The following NBEA variants were observed in gnomAD, a reference collection of about 807,000 sequenced individuals.
NBEA encodes the protein neurobeachin.
A neutral mutation model predicts 343.4 loss-of-function variants in NBEA; 44 were observed. That is an observed-to-expected ratio of 0.13 (90% CI 0.10 to 0.16). NBEA has a LOEUF of 0.16. Among genes scored for constraint, NBEA ranks in the 10% least tolerant of loss-of-function variants. The pLI is 1.00. For synonymous variants in NBEA, 1,175 were observed against 1,238.7 expected, an observed-to-expected ratio of 0.95 and a Z score of 1.08; for missense variants, 2,555 against 3,631.3, an observed-to-expected ratio of 0.70 and a Z score of 7.62.
intron 33 of NBEA, among the ~76,000 whole-genome samples, chr13:35,231,514 A>G (rs1381836196): frequency 1.3e-5 from 2 of 152,060 alleles, no homozygotes; most frequent in East Asian, 3.9e-4. Flanking sequence ...ATGTGTACTC[A>G]TCTAATATAT....
intron 1 of NBEA, among the ~76,000 whole-genome samples, chr13:34,998,874 A>C (rs1302218826): frequency 1.3e-5 from 2 of 152,188 alleles, no homozygotes; most frequent in African/African-American, 4.8e-5. Context: ...AGGCATAGGA[A>C]ATCACAAGGG....
rs1272296349 is a variant in NBEA, at chr13:35,542,985, A to G, written c.6586-7492A>G. Among the ~76,000 whole-genome samples, 3 of 152,002 alleles carry G rather than the reference A, an allele frequency of 2.0e-5. No individual in the cohort carries two copies. In the East Asian group the frequency reaches 5.8e-4, roughly 29 times the overall value. The stretch of plus-strand genomic sequence containing the variant: ...TGCTTGTGAGTCTTTTTTGATCACT[A>G]TGTTATACTACTCTGCAAAAAGTGT... On this transcript the variant is annotated intron_variant, in intron 41 of 58. Transcript: ENST00000379939.
At chr13:35,581,136 C>T (rs1332736200) in intron 45 of NBEA, among the ~76,000 whole-genome samples, 1 of 152,150 alleles carries the variant, frequency 6.6e-6, no homozygotes, top group African/African-American at 2.4e-5. Context: ...AAAATATACT[C>T]AGTAATGGGA....
chr13:35,513,169 C>T (rs2077348015), intron 41 of NBEA, among the ~76,000 whole-genome samples: 2 of 148,300 alleles, frequency 1.3e-5, no homozygotes, highest in African/African-American at 5.0e-5. Context: ...TGGAGTCTTG[C>T]TCTGTCACCC....
chr13:35,166,297 A>G (rs1237966927), intron 24 of NBEA, among the ~76,000 whole-genome samples: 1 of 152,192 alleles, frequency 6.6e-6, no homozygotes, highest in Non-Finnish European at 1.5e-5. Context: ...AACTATTAAG[A>G]TAGAATATTA....
intron 1 of NBEA, among the ~76,000 whole-genome samples, chr13:34,959,798 T>C (rs1033760806): frequency 6.1e-5 from 9 of 147,796 alleles, no homozygotes; most frequent in Non-Finnish European, 1.4e-4. Flanking sequence ...GTCAGAGATA[T>C]CATAATGTCA....
intron 10 of NBEA, among the ~76,000 whole-genome samples, chr13:35,079,301 T>A (rs960978793): frequency 1.3e-5 from 2 of 152,208 alleles, no homozygotes; most frequent in African/African-American, 4.8e-5. Context: ...ATATGTGCCT[T>A]CTTTTGGATT....
chr13:35,429,963 C>G (rs954560091), intron 38 of NBEA, among the ~76,000 whole-genome samples: 3 of 152,106 alleles, frequency 2.0e-5, no homozygotes, highest in African/African-American at 7.2e-5. Flanking sequence ...ACTTCTTTTC[C>G]TCTGAGTAGA....
In NBEA at chr13:35,159,905, A is replaced by C; in HGVS notation, c.3734A>C (p.Glu1245Ala). 1 of 1,597,874 alleles carries C rather than the reference A, an allele frequency of 6.3e-7. No individual in the cohort carries two copies. Among genetic ancestry groups the C allele is most frequent in the Non-Finnish European group, 8.5e-7 (1 of 1,171,350 alleles). Reference sequence around the variant, plus strand: ...ATGACTGCTACAACTCTGGAAACTGAGTCTTCTAGTAGCAAAATTGTACCA... The same window carrying C: ...ATGACTGCTACAACTCTGGAAACTGCGTCTTCTAGTAGCAAAATTGTACCA... The part of the protein sequence containing the change: ...AEMTATTLET[E>A]SSSSKIVPNI... The change falls in exon 22 of 59, where the codon GAG (glutamate) becomes GCG (alanine). Residue 1245 changes from glutamate (E) to alanine (A), a missense_variant. Glu to Ala is a moderately radical substitution (Grantham distance 107). Transcript: ENST00000379939.
intron 47 of NBEA, among the ~76,000 whole-genome samples, chr13:35,601,013 C>T (rs2082019103): frequency 6.6e-6 from 1 of 152,072 alleles, no homozygotes; most frequent in Non-Finnish European, 1.5e-5. Context: ...CCCAGCTGTA[C>T]TAAAAATACA....
chr13:35,593,322 G>T lies in NBEA; in HGVS notation c.7177-6G>T, dbSNP rs1215427353. On this transcript the variant is annotated splice_region_variant and splice_polypyrimidine_tract_variant and intron_variant, in intron 46 of 58. Transcript: ENST00000379939. ...GTCAAATTTCTGATTCTGTTTTTTT[G>T]CTTAGGAACCTTTCACAACCTTCTT... The T allele has an allele frequency of 1.9e-6, 3 of 1,610,078 alleles. No individual in the cohort carries two copies. Among genetic ancestry groups the T allele is most frequent in the Non-Finnish European group, 2.5e-6 (3 of 1,178,164 alleles).
chr13:35,105,140 C>T (rs1031605869), intron 11 of NBEA, among the ~76,000 whole-genome samples: 11 of 151,904 alleles, frequency 7.2e-5, no homozygotes, highest in African/African-American at 2.4e-4. Flanking sequence ...CTGATGGGAG[C>T]GTGGTCTTCA....
intron 1 of NBEA, among the ~76,000 whole-genome samples, chr13:34,982,014 A>T (rs1389341187): frequency 6.6e-6 from 1 of 151,614 alleles, no homozygotes; most frequent in Admixed American, 6.6e-5. Flanking sequence ...TAATATTATT[A>T]ATTTCAAAGA....
chr13:35,404,303 C>T (rs1375904581), intron 38 of NBEA, among the ~76,000 whole-genome samples: 8 of 151,798 alleles, frequency 5.3e-5, no homozygotes, highest in Non-Finnish European at 1.0e-4. Context: ...CACATGCACA[C>T]GTATGTTTAT....
At chr13:35,004,370 C>T (rs924964824) in intron 1 of NBEA, among the ~76,000 whole-genome samples, 1 of 152,018 alleles carries the variant, frequency 6.6e-6, no homozygotes, top group African/African-American at 2.4e-5. Flanking sequence ...ATATTGGATG[C>T]TTTGTCTTCT....
chr13:35,532,516 G>A (rs896280142), intron 41 of NBEA, among the ~76,000 whole-genome samples: 1 of 151,996 alleles, frequency 6.6e-6, no homozygotes, highest in African/African-American at 2.4e-5. Context: ...AATTAAATAA[G>A]TACTAAATAC....
Position 35,524,526 on chromosome 13 carries a change from A to C in NBEA, c.6586-25951A>C, listed in dbSNP as rs370232052. Among the ~76,000 whole-genome samples, 319 of 152,316 alleles carry C rather than the reference A, an allele frequency of 2.1e-3. 3 individuals carry two copies. Among genetic ancestry groups the C allele is most frequent in the African/African-American group, 7.3e-3 (305 of 41,568 alleles). ...TTTATTGCGGTTCAAATAAGTTCCA[A>C]ATCAAATTCTGTGTCATTGAATATC... is the stretch of plus-strand genomic sequence containing the variant. On this transcript the variant is annotated intron_variant, in intron 41 of 58. Transcript: ENST00000379939.
At chr13:35,414,942 G>A (rs534246946) in intron 38 of NBEA, among the ~76,000 whole-genome samples, 265 of 152,264 alleles carry the variant, frequency 1.7e-3, no homozygotes, top group African/African-American at 6.2e-3. Flanking sequence ...GTGTGAGATG[G>A]TATCTCATTG....
At chr13:35,492,041 A>C (rs1035089622) in intron 41 of NBEA, among the ~76,000 whole-genome samples, 3 of 151,952 alleles carry the variant, frequency 2.0e-5, no homozygotes, top group African/African-American at 7.2e-5. Context: ...GGTAGACAAT[A>C]CACTTTCAAG....
Sources: gnomAD v4.1 joint callset for allele counts (sites outside exome capture counted in the v4.1 genomes callset) on GRCh38, gnomAD v4.1.1 for gene constraint, MANE v1.5 for transcripts, NCBI Gene and HGNC (gene_info 2026-07-23, HGNC 2026-07-21) for gene names.